The following ABCB11 variants were observed in gnomAD, a reference collection of about 807,000 sequenced individuals.
ABCB11 encodes ATP binding cassette subfamily B member 11, also known as bile salt export pump.
ABCB11 carries 95 observed loss-of-function variants against 148.0 expected under a neutral mutation model. The observed-to-expected ratio is 0.64, with a 90% CI of 0.54 to 0.76. The LOEUF is 0.76. ABCB11 is among the 30% of genes least tolerant of loss of function. The pLI is 0.00. For missense variants in ABCB11, 1,523 were observed against 1,617.8 expected, an observed-to-expected ratio of 0.94 and a Z score of 1.01; for synonymous variants, 591 against 555.4, an observed-to-expected ratio of 1.06 and a Z score of -0.90.
chr2:168,920,261 T>C (rs1574384680), downstream of ABCB11, among the ~76,000 whole-genome samples: 2 of 152,210 alleles, frequency 1.3e-5, no homozygotes, highest in East Asian at 3.8e-4. Flanking sequence ...AATTTCATAC[T>C]GTGCCCAAAT....
intron 24 of ABCB11, among the ~76,000 whole-genome samples, chr2:168,931,750 A>G (rs1327938056): frequency 6.6e-6 from 1 of 152,220 alleles, no homozygotes; most frequent in Non-Finnish European, 1.5e-5. Flanking sequence ...AGTGTATTTT[A>G]TATTACACAG....
At chr2:168,959,700 C>A (rs553822986) in intron 18 of ABCB11, among the ~76,000 whole-genome samples, 1 of 151,498 alleles carries the variant, frequency 6.6e-6, no homozygotes, top group East Asian at 2.0e-4. Flanking sequence ...CTTACTGCCC[C>A]CATCTGCCCA....
At chr2:168,984,947 T>C (rs1375409485) in intron 10 of ABCB11, among the ~76,000 whole-genome samples, 1 of 152,028 alleles carries the variant, frequency 6.6e-6, no homozygotes, top group Admixed American at 6.6e-5. Context: ...TTAATTAAAC[T>C]AAAGAGGTTT....
At position 168,979,410 on chromosome 2, in the gene ABCB11, A is replaced by T. The variant is rs569513728; in HGVS notation, c.1197+456T>A. ...ATTTAAAGACTCTTTCTCCCACCCC[A>T]GTCGCTGTCACATTGCCCTATTTTA... is the stretch of plus-strand genomic sequence containing the variant. On this transcript the variant is annotated intron_variant, in intron 11 of 27. Coordinates refer to ENST00000650372, the MANE Select transcript of ABCB11 (RefSeq NM_003742.4). 1.1e-4 allele frequency among the ~76,000 whole-genome samples: 17 copies of T among 152,186 alleles called. No individual in the cohort carries two copies. The South Asian group carries it at 3.3e-3, about 30-fold the overall frequency.
intron 7 of ABCB11, 41 bp downstream of exon 7, chr2:168,995,308 C>A: frequency 1.9e-6 from 3 of 1,562,034 alleles, no homozygotes; most frequent in South Asian, 2.5e-5. Flanking sequence ...TTTTATTATC[C>A]AAAAATCACA....
chr2:169,013,544 G>T, intron 4 of ABCB11, 34 bp from the exon 5 acceptor site: 5 of 1,566,064 alleles, frequency 3.2e-6, no homozygotes, highest in African/African-American at 1.4e-5. Flanking sequence ...ATCATCTATG[G>T]GTGAAGAGCA....
At chr2:169,025,669 C>G (rs1369042628) in intron 1 of ABCB11, among the ~76,000 whole-genome samples, 2 of 152,188 alleles carry the variant, frequency 1.3e-5, no homozygotes, top group African/African-American at 4.8e-5. Context: ...TTTCCGAATA[C>G]CCCTACAAAT....
chr2:169,001,724 C>T (rs79809343), intron 5 of ABCB11, among the ~76,000 whole-genome samples: 2 of 152,080 alleles, frequency 1.3e-5, no homozygotes, highest in Non-Finnish European at 2.9e-5. Context: ...TCTTTCTGAC[C>T]CACTATCTAG....
At chr2:168,929,337 G>A (rs532903710) in intron 25 of ABCB11, among the ~76,000 whole-genome samples, 129 of 152,140 alleles carry the variant, frequency 8.5e-4, no homozygotes, top group Non-Finnish European at 1.5e-3. Context: ...TGACAGAAAT[G>A]AGGGAAGAGA....
intron 21 of ABCB11, among the ~76,000 whole-genome samples, chr2:168,943,082 A>G (rs192998931): frequency 1.3e-3 from 200 of 152,082 alleles, no homozygotes; most frequent in Admixed American, 2.7e-3. Flanking sequence ...CTCTTTTTAA[A>G]AAGATAAGTG....
At position 168,920,921 on chromosome 2, in the gene ABCB11, A is replaced by G. The variant is rs1344652865; in HGVS notation, c.*2701T>C. ...TCCCTGTCATCAATAACTTTCAAGT[A>G]TCTTATTTGAAAATATAATTTGTAC... On this transcript the variant is annotated 3_prime_UTR_variant, in exon 28 of 28. Transcript: ENST00000650372. Among the ~76,000 whole-genome samples the G allele has an allele frequency of 6.6e-6, 1 of 152,212 alleles. No individual in the cohort carries two copies. Among genetic ancestry groups the G allele is most frequent in the Non-Finnish European group, 1.5e-5 (1 of 68,036 alleles).
intron 21 of ABCB11, among the ~76,000 whole-genome samples, chr2:168,937,875 G>T (rs1031413206): frequency 2.0e-5 from 3 of 152,164 alleles, no homozygotes; most frequent in Admixed American, 2.0e-4. Context: ...GACCACTGTG[G>T]TAATTATATC....
chr2:168,950,491 A>G (rs7570800), intron 19 of ABCB11, among the ~76,000 whole-genome samples: 4,080 of 151,740 alleles, frequency 0.027, 191 homozygotes, highest in African/African-American at 0.093. Flanking sequence ...CTGTTGTAAA[A>G]TGGTATCTCT....
intron 5 of ABCB11, among the ~76,000 whole-genome samples, chr2:169,010,465 C>A (rs886421713): frequency 3.3e-5 from 5 of 151,994 alleles, no homozygotes; most frequent in African/African-American, 9.7e-5. Context: ...ATGTGGAAAC[C>A]AATATAATAA....
At chr2:169,026,476 T>C (rs1489619275) in intron 1 of ABCB11, among the ~76,000 whole-genome samples, 1 of 152,166 alleles carries the variant, frequency 6.6e-6, no homozygotes, top group African/African-American at 2.4e-5. Context: ...CTTAATTACT[T>C]GCATGTACCC....
intron 5 of ABCB11, among the ~76,000 whole-genome samples, chr2:169,008,215 T>C (rs559468003): frequency 6.6e-6 from 1 of 152,290 alleles, no homozygotes; most frequent in East Asian, 1.9e-4. Flanking sequence ...TCCCCTCACA[T>C]GCCCAAAATC....
intron 9 of ABCB11, 46 bp downstream of exon 9, chr2:168,990,755 G>C: frequency 6.2e-7 from 1 of 1,608,140 alleles, no homozygotes; most frequent in East Asian, 2.2e-5. Flanking sequence ...AGGGTACTAT[G>C]CTGATTGATG....
rs77548892 is a variant in ABCB11, at chr2:168,957,536, G to A, written c.2343+428C>T. Among the ~76,000 whole-genome samples the A allele has an allele frequency of 7.2e-3, 1,098 of 151,722 alleles. 13 individuals carry two copies. The highest frequency in any genetic ancestry group is 0.025 in the African/African-American group (1,050 of 41,478). On this transcript the variant is annotated intron_variant, in intron 19 of 27. Coordinates refer to ENST00000650372, the MANE Select transcript of ABCB11 (RefSeq NM_003742.4). Reference sequence around the variant, plus strand: ...TACTATTTCAATAGTGCAATCCGTGGAGAATTATACATCAAACACTAACAC... The same window carrying A: ...TACTATTTCAATAGTGCAATCCGTGAAGAATTATACATCAAACACTAACAC...
intron 19 of ABCB11, among the ~76,000 whole-genome samples, chr2:168,957,446 T>G (rs1692849722): frequency 6.6e-6 from 1 of 151,730 alleles, no homozygotes; most frequent in Non-Finnish European, 1.5e-5. Context: ...AAAATTGGAA[T>G]AAGCTTAGTT....
Sources: allele counts gnomAD v4.1 joint callset (sites outside exome capture counted in the v4.1 genomes callset), GRCh38; gene constraint gnomAD v4.1.1; transcripts MANE v1.5; gene names NCBI Gene and HGNC (gene_info 2026-07-23, HGNC 2026-07-21).